KLF7: variants seen among roughly 807,000 people sequenced by gnomAD.
The protein encoded by KLF7 is Krueppel-like factor 7.
A neutral mutation model predicts 27.3 loss-of-function variants in KLF7; 2 were observed. That is an observed-to-expected ratio of 0.07 (90% CI 0.03 to 0.23). The LOEUF is 0.23. Among genes scored for constraint, KLF7 ranks in the 10% least tolerant of loss-of-function variants. The probability of loss-of-function intolerance (pLI) is 1.00; values close to 1 mark genes in which losing one functional copy is unlikely to be tolerated. For missense variants in KLF7, 221 were observed against 394.1 expected (o/e 0.56, Z 3.72); for synonymous variants, 165 against 162.4 (o/e 1.02, Z -0.12).
chr2:207,152,295 A>ACGCGCG (rs1372980138), intron 1 of KLF7, among the ~76,000 whole-genome samples: 1 of 16,718 alleles, frequency 6.0e-5, no homozygotes. Flanking sequence ...ACACACACAC[A>ACGCGCG]CACACACACA....
upstream of KLF7, chr2:207,166,072 CTT>C: frequency 1.1e-6 from 1 of 899,264 alleles, no homozygotes; most frequent in Non-Finnish European, 1.3e-6. Flanking sequence ...AGTTTGTAGT[CTT>C]CCCCCTCCCT....
At chr2:207,144,136 C>T (rs1217489013) in intron 1 of KLF7, among the ~76,000 whole-genome samples, 2 of 146,394 alleles carry the variant, frequency 1.4e-5, no homozygotes, top group African/African-American at 5.1e-5. Flanking sequence ...AAAACCCTGG[C>T]CCTGGTCTAG....
rs1005216500 is a variant in KLF7, at chr2:207,079,292, T to C, written c.*1921A>G. The C allele has an allele frequency of 1.3e-5, 2 of 152,148 alleles. No individual in the cohort carries two copies. The highest frequency in any genetic ancestry group is 6.5e-5 in the Admixed American group (1 of 15,272). 9.4% of individuals were successfully genotyped at this position (152,148 alleles called of 1,614,324 possible). A position where few individuals can be genotyped will look rare whatever the true frequency, so the allele number is the denominator to read the frequency against. On this transcript the variant is annotated 3_prime_UTR_variant, in exon 4 of 4. Transcript: ENST00000309446. ...AGATCTTGAAGGTTGCTGTCATATA[T>C]GTGTTTGTGTTTCTTATATTATTTC...
At chr2:207,085,312 C>T (rs999559824) in intron 3 of KLF7, among the ~76,000 whole-genome samples, 1 of 151,600 alleles carries the variant, frequency 6.6e-6, no homozygotes, top group Admixed American at 6.6e-5. Context: ...GATCAAAATG[C>T]ACCCTCTAAA....
intron 1 of KLF7, among the ~76,000 whole-genome samples, chr2:207,156,810 T>C (rs1459806992): frequency 6.6e-6 from 1 of 152,254 alleles, no homozygotes; most frequent in Non-Finnish European, 1.5e-5. Flanking sequence ...TATAAACCTC[T>C]GGTCCGTGTG....
intron 3 of KLF7, among the ~76,000 whole-genome samples, chr2:207,082,299 C>T (rs2076290671): frequency 6.6e-6 from 1 of 152,176 alleles, no homozygotes. Flanking sequence ...GAGAGAAGCT[C>T]TCTTTCCACT....
intron 2 of KLF7, among the ~76,000 whole-genome samples, chr2:207,096,858 A>G (rs2076643784): frequency 6.6e-6 from 1 of 152,236 alleles, no homozygotes; most frequent in Non-Finnish European, 1.5e-5. Flanking sequence ...ACACAAAATA[A>G]TATTTCTCTT....
chr2:207,124,129 G>A lies in KLF7; in HGVS notation c.378C>T (p.Asn126=), dbSNP rs1488205673. The A allele has an allele frequency of 5.6e-6, 9 of 1,614,196 alleles. No homozygotes were observed. The highest frequency in any genetic ancestry group is 1.6e-4 in the Middle Eastern group (1 of 6,062). Residue 126 remains asparagine, a synonymous_variant, in exon 2 of 4, where the codon AAC becomes AAT. Transcript: ENST00000309446. ...SSSLDSYTAV[N]QAQLNAVTSL... ...AGGTCACTGCGTTGAGCTGGGCCTG[G>A]TTGACGGCTGTGTAGCTGTCTAGAG...
intron 1 of KLF7, among the ~76,000 whole-genome samples, chr2:207,132,601 T>C (rs1416232044): frequency 6.6e-6 from 1 of 152,248 alleles, no homozygotes; most frequent in African/African-American, 2.4e-5. Flanking sequence ...TTGAAATTAC[T>C]TTCCCCAGGC....
Position 207,080,654 on chromosome 2 carries a change from G to C in KLF7, c.*559C>G. The stretch of plus-strand genomic sequence containing the variant: ...AATAGTAGGACTTTTCACACACAAA[G>C]GACAAATAAACCAAGAGTTAATTTT... On this transcript the variant is annotated 3_prime_UTR_variant, in exon 4 of 4. Coordinates refer to ENST00000309446, the MANE Select transcript of KLF7 (RefSeq NM_003709.4). 1 of 395,386 alleles carries C rather than the reference G, an allele frequency of 2.5e-6. No individual in the cohort carries two copies. Among genetic ancestry groups the C allele is most frequent in the East Asian group, 3.6e-5 (1 of 27,948 alleles). The allele number at this position is 395,386 out of a possible 1,614,324, so 24.5% of individuals were successfully genotyped here. A position where few individuals can be genotyped will look rare whatever the true frequency, so the allele number is the denominator to read the frequency against.
At chr2:207,146,831 G>C (rs2078110232) in intron 1 of KLF7, among the ~76,000 whole-genome samples, 1 of 152,198 alleles carries the variant, frequency 6.6e-6, no homozygotes, top group African/African-American at 2.4e-5. Context: ...CTCTTCCATG[G>C]GGGAAGCAGC....
intron 1 of KLF7, among the ~76,000 whole-genome samples, chr2:207,143,726 C>T (rs182901390): frequency 6.6e-6 from 1 of 152,146 alleles, no homozygotes; most frequent in Non-Finnish European, 1.5e-5. Context: ...TCAACGCAGG[C>T]GCCTTCAGCG....
rs367707628 is a variant in KLF7, at chr2:207,145,184, G to A, written c.102+20283C>T. Among the ~76,000 whole-genome samples, 4 of 152,274 alleles carry A rather than the reference G, an allele frequency of 2.6e-5. No homozygotes were observed. The South Asian group carries it at 6.2e-4, about 24-fold the overall frequency. Reference sequence around the variant, plus strand: ...TTGTTAGGAAATACTGTGCAGTAACGTATCATTAAGACCTTACTGGCAGGC... The same window carrying A: ...TTGTTAGGAAATACTGTGCAGTAACATATCATTAAGACCTTACTGGCAGGC... On this transcript the variant is annotated intron_variant, in intron 1 of 3. Coordinates refer to ENST00000309446, the MANE Select transcript of KLF7 (RefSeq NM_003709.4).
At chr2:207,154,569 C>T (rs938107933) in intron 1 of KLF7, among the ~76,000 whole-genome samples, 5 of 152,174 alleles carry the variant, frequency 3.3e-5, no homozygotes, top group Admixed American at 6.5e-5. Flanking sequence ...CCCTGCCTTC[C>T]ATCATTTATT....
At chr2:207,084,051 C>T (rs1221369965) in intron 3 of KLF7, among the ~76,000 whole-genome samples, 1 of 152,174 alleles carries the variant, frequency 6.6e-6, no homozygotes, top group African/African-American at 2.4e-5. Context: ...AGACCATAAA[C>T]TTGAAAAGTA....
chr2:207,166,157 C>T (rs2078701579), upstream of KLF7: 1 of 985,796 alleles, frequency 1.0e-6, no homozygotes, highest in Non-Finnish European at 1.2e-6. Flanking sequence ...GCCGTGGGAT[C>T]TCGAGGAGGG....
chr2:207,162,738 T>G (rs147992338), intron 1 of KLF7, among the ~76,000 whole-genome samples: 39 of 152,340 alleles, frequency 2.6e-4, no homozygotes, highest in African/African-American at 9.1e-4. Context: ...ATCTTCAATT[T>G]TCAAACGTAA....
Position 207,081,159 on chromosome 2 carries a change from G to A in KLF7, c.*54C>T. The A allele has an allele frequency of 6.5e-7, 1 of 1,535,122 alleles. No individual in the cohort carries two copies. Among genetic ancestry groups the A allele is most frequent in the Middle Eastern group, 1.7e-4 (1 of 5,892 alleles). ...CCTGAAGTCCAGCCCCCTGCCTCAT[G>A]GCGTTTCCTTTAGACACTAGCCGAT... On this transcript the variant is annotated 3_prime_UTR_variant, in exon 4 of 4. Transcript: ENST00000309446.
At chr2:207,122,488 A>G (rs1306853545) in intron 2 of KLF7, among the ~76,000 whole-genome samples, 1 of 152,172 alleles carries the variant, frequency 6.6e-6, no homozygotes, top group East Asian at 1.9e-4. Flanking sequence ...TACTACACAA[A>G]AACAGTTCAT....
Sources: gnomAD v4.1 joint callset for allele counts (sites outside exome capture counted in the v4.1 genomes callset) on GRCh38, gnomAD v4.1.1 for gene constraint, MANE v1.5 for transcripts, NCBI Gene and HGNC (gene_info 2026-07-23, HGNC 2026-07-21) for gene names.